The following POLI variants were observed in gnomAD, a reference collection of about 807,000 sequenced individuals.
The protein encoded by POLI is DNA polymerase iota, also known as RAD30 homolog B.
POLI carries 58 observed loss-of-function variants against 51.6 expected under a neutral mutation model. The observed-to-expected ratio is 1.12, with a 90% CI of 0.91 to 1.40. POLI has a LOEUF of 1.40. Among genes scored for constraint, POLI ranks in the 40% most tolerant of loss-of-function variants. The pLI, the probability that POLI is intolerant of heterozygous loss-of-function variation, is 0.00. For missense variants in POLI, 921 were observed against 871.3 expected (o/e 1.06, Z -0.72); for synonymous variants, 322 against 299.7 (o/e 1.07, Z -0.77).
Position 54,277,828 on chromosome 18 carries a change from G to T in POLI, c.532G>T (p.Val178Leu), listed in dbSNP as rs749884527. 14 of 1,612,748 alleles carry T rather than the reference G, an allele frequency of 8.7e-6. No homozygotes were observed. The highest frequency in any genetic ancestry group is 1.2e-5 in the Non-Finnish European group (14 of 1,179,230). Reference protein sequence around the residue: ...LQSDELSAVTVSGHVYNNQSI... With the variant: ...LQSDELSAVTLSGHVYNNQSI... ...AAGTGATGAACTTTCTGCGGTGACT[G>T]TGTCGGGTCATGTATACAATAATCA... The change falls in exon 4 of 10, where the codon GTG becomes TTG. Residue 178 changes from valine (V) to leucine (L), a missense_variant. Transcript: ENST00000579534.
chr18:54,285,521 A>AGAGT (rs1491165782), intron 7 of POLI, among the ~76,000 whole-genome samples: 2 of 144,674 alleles, frequency 1.4e-5, no homozygotes, highest in African/African-American at 5.1e-5. Flanking sequence ...AAATTACAGG[A>AGAGT]GTGTGTGTGT....
At chr18:54,308,641 G>A (rs2088625726) in intron 3 of POLI, among the ~76,000 whole-genome samples, 1 of 152,160 alleles carries the variant, frequency 6.6e-6, no homozygotes, top group Non-Finnish European at 1.5e-5. Flanking sequence ...TTGCTAGGTT[G>A]TAGAAGTTCT....
chr18:54,274,558 T>G (rs2087155431), intron 3 of POLI, among the ~76,000 whole-genome samples: 1 of 151,798 alleles, frequency 6.6e-6, no homozygotes, highest in African/African-American at 2.4e-5. Context: ...TAATATTTTC[T>G]TAGGTTTTAT....
chr18:54,314,573 T>G (rs1453060182), intron 3 of POLI, among the ~76,000 whole-genome samples: 1 of 152,054 alleles, frequency 6.6e-6, no homozygotes, highest in East Asian at 1.9e-4. Context: ...TTATATGTCT[T>G]ATAGAATTCA....
intron 3 of POLI, among the ~76,000 whole-genome samples, chr18:54,276,103 G>A (rs1328142168): frequency 6.6e-6 from 1 of 152,064 alleles, no homozygotes; most frequent in East Asian, 1.9e-4. Flanking sequence ...TGGAGGCTGG[G>A]CATGGTGGCT....
In POLI at chr18:54,294,588, A is replaced by G. The variant is rs539536992; in HGVS notation, c.*121A>G. ...TCAATAACGGAGTAAACTGTTCCAGATAAAGCAAGAATAGTTGCAAGAAGT... is the reference window on the plus strand; with the variant it reads ...TCAATAACGGAGTAAACTGTTCCAGGTAAAGCAAGAATAGTTGCAAGAAGT... On this transcript the variant is annotated 3_prime_UTR_variant, in exon 10 of 10. Transcript: ENST00000579534. 10 of 1,334,566 alleles carry G rather than the reference A, an allele frequency of 7.5e-6. No individual in the cohort carries two copies. The highest frequency in any genetic ancestry group is 5.9e-5 in the African/African-American group (4 of 67,408). 82.7% of individuals were successfully genotyped at this position (1,334,566 alleles called of 1,614,324 possible).
intron 3 of POLI, among the ~76,000 whole-genome samples, chr18:54,312,978 T>C (rs1411217397): frequency 6.6e-6 from 1 of 152,194 alleles, no homozygotes; most frequent in Non-Finnish European, 1.5e-5. Context: ...TGTCAATTTT[T>C]GTTTTCATTG....
At chr18:54,272,341 G>A (rs2087040463) in intron 2 of POLI, 1 of 152,208 alleles carries the variant, frequency 6.6e-6, no homozygotes, top group African/African-American at 2.4e-5. Flanking sequence ...TAGTAGCACT[G>A]TGTTATAAGA....
chr18:54,286,389 T>TA (rs1209589346), intron 7 of POLI, among the ~76,000 whole-genome samples: 1 of 152,094 alleles, frequency 6.6e-6, no homozygotes, highest in Non-Finnish European at 1.5e-5. Context: ...GAAACTCTTC[T>TA]AAAAAATGCA....
At chr18:54,290,349 G>A (rs1173857752) in intron 8 of POLI, among the ~76,000 whole-genome samples, 1 of 152,186 alleles carries the variant, frequency 6.6e-6, no homozygotes, top group Non-Finnish European at 1.5e-5. Flanking sequence ...GAGAGGATGT[G>A]GAGAAATAGG....
Position 54,274,028 on chromosome 18 carries a change from A to T in POLI, c.344A>T (p.Gln115Leu). 1 of 1,571,918 alleles carries T rather than the reference A, an allele frequency of 6.4e-7. No homozygotes were observed. Among genetic ancestry groups the T allele is most frequent in the Non-Finnish European group, 8.6e-7 (1 of 1,157,282 alleles). The part of the protein sequence containing the change: ...NVRDAKEKCP[Q>L]LVLVNGEDLT... ...AGAGATGCAAAAGAAAAGTGTCCACAGTTGGTATTAGTTAATGGAGAAGAC... is the reference window on the plus strand; with the variant it reads ...AGAGATGCAAAAGAAAAGTGTCCACTGTTGGTATTAGTTAATGGAGAAGAC... The change falls in exon 3 of 10, where the codon CAG becomes CTG. Residue 115 changes from glutamine (Q) to leucine (L), a missense_variant. Gln to Leu is a moderately radical substitution (Grantham distance 113). Coordinates refer to ENST00000579534, the MANE Select transcript of POLI (RefSeq NM_007195.3).
Position 54,297,100 on chromosome 18 carries a change from CCTTGT to C in POLI, c.*2637_*2641del, listed in dbSNP as rs1353097383. 5.1e-6 allele frequency: 5 copies of C among 985,234 alleles called. No individual in the cohort carries two copies. The African/African-American group carries it at 8.7e-5, about 17-fold the overall frequency. The allele number at this position is 985,234 out of a possible 1,614,324, so 61.0% of individuals were successfully genotyped here. A position where few individuals can be genotyped will look rare whatever the true frequency, so the allele number is the denominator to read the frequency against. ...CACCTTTGTGGATCCTGATTGAATGCCTTGTCTTAAGTGTAAGCTCCCTGACCCTT... is the reference window on the plus strand; with the variant it reads ...CACCTTTGTGGATCCTGATTGAATGCCTTAAGTGTAAGCTCCCTGACCCTT... On this transcript the variant is annotated 3_prime_UTR_variant, in exon 10 of 10. Coordinates refer to ENST00000579534, the MANE Select transcript of POLI (RefSeq NM_007195.3).
chr18:54,291,160 A>G (rs2087992703), intron 8 of POLI, among the ~76,000 whole-genome samples: 1 of 152,030 alleles, frequency 6.6e-6, no homozygotes, highest in African/African-American at 2.4e-5. Context: ...CGGGGAGCCT[A>G]TGTAGTCCCT....
At chr18:54,275,830 G>A (rs2087216737) in intron 3 of POLI, among the ~76,000 whole-genome samples, 1 of 152,102 alleles carries the variant, frequency 6.6e-6, no homozygotes, top group African/African-American at 2.4e-5. Flanking sequence ...TTTGAAAAAA[G>A]TTACTTTATC....
intron 8 of POLI, 196 bp downstream of exon 8, chr18:54,287,607 G>A (rs1190579630): frequency 9.6e-6 from 4 of 415,902 alleles, no homozygotes; most frequent in East Asian, 4.9e-5. Context: ...TTGAGACAGG[G>A]TCTTGCTCTG....
In POLI at chr18:54,296,823, T is replaced by G; in HGVS notation, c.*2356T>G. On this transcript the variant is annotated 3_prime_UTR_variant, in exon 10 of 10. Transcript: ENST00000579534. ...TTCTTTTTAACTTCCCGTTTACTCA[T>G]TACAGTCCCTTGTAAGTCTGTTTCT... 1 of 584,026 alleles carries G rather than the reference T, an allele frequency of 1.7e-6. No individual in the cohort carries two copies. Among genetic ancestry groups the G allele is most frequent in the Non-Finnish European group, 2.1e-6 (1 of 466,024 alleles). The allele number at this position is 584,026 out of a possible 1,614,324, so 36.2% of individuals were successfully genotyped here.
At position 54,297,647 on chromosome 18, in the gene POLI, T is replaced by A; in HGVS notation, c.*3180T>A. 1.0e-6 allele frequency: 1 copy of A among 979,754 alleles called. No individual in the cohort carries two copies. Among genetic ancestry groups the A allele is most frequent in the Non-Finnish European group, 1.2e-6 (1 of 824,742 alleles). 60.7% of individuals were successfully genotyped at this position (979,754 alleles called of 1,614,324 possible). A position where few individuals can be genotyped will look rare whatever the true frequency, so the allele number is the denominator to read the frequency against. ...TTTGGGATCAGTTGGGTTTTCTATT[T>A]AATCATATATTTTCCCTTTACTGAT... is the stretch of plus-strand genomic sequence containing the variant. On this transcript the variant is annotated 3_prime_UTR_variant, in exon 10 of 10. Coordinates refer to ENST00000579534, the MANE Select transcript of POLI (RefSeq NM_007195.3).
intron 3 of POLI, among the ~76,000 whole-genome samples, chr18:54,306,668 C>T (rs528995803): frequency 8.5e-5 from 13 of 152,086 alleles, no homozygotes; most frequent in Non-Finnish European, 1.8e-4. Flanking sequence ...CCTCTTTGTA[C>T]CTCTGGTAGA....
rs2088308511 is a variant in POLI, at chr18:54,295,974, A to G, written c.*1507A>G. ...GTTTTGGATTCCTTGGAATTTGAAA[A>G]TATGCTAACACGAAGGATTGTAAAT... is the stretch of plus-strand genomic sequence containing the variant. On this transcript the variant is annotated 3_prime_UTR_variant, in exon 10 of 10. Transcript: ENST00000579534. 4.1e-5 allele frequency: 40 copies of G among 985,186 alleles called. No homozygotes were observed. The highest frequency in any genetic ancestry group is 4.8e-5 in the Non-Finnish European group (40 of 829,850). 61.0% of individuals were successfully genotyped at this position (985,186 alleles called of 1,614,324 possible).
Sources: gnomAD v4.1 joint callset for allele counts (sites outside exome capture counted in the v4.1 genomes callset) on GRCh38, gnomAD v4.1.1 for gene constraint, MANE v1.5 for transcripts, NCBI Gene and HGNC (gene_info 2026-07-23, HGNC 2026-07-21) for gene names.